UGT1A6: variants seen among roughly 807,000 people sequenced by gnomAD.
The protein encoded by UGT1A6 is UDP glucuronosyltransferase family 1 member A6.
Under a neutral mutation model 44.4 loss-of-function variants are expected in UGT1A6, and 32 were observed. The ratio of observed to expected loss-of-function variants is 0.72; its 90% CI spans 0.54 to 0.97. The LOEUF (loss-of-function observed/expected upper bound fraction) is 0.97. Among genes scored for constraint, UGT1A6 ranks in the 50% least tolerant of loss-of-function variants. UGT1A6 has a pLI of 0.00. For synonymous variants in UGT1A6, 238 were observed against 248.5 expected (o/e 0.96, Z 0.40); for missense variants, 685 against 661.9 (o/e 1.03, Z -0.38).
At chr2:233,726,556 C>T (rs1390760024) in intron 1 of UGT1A6, among the ~76,000 whole-genome samples, 1 of 152,180 alleles carries the variant, frequency 6.6e-6, no homozygotes, top group Non-Finnish European at 1.5e-5. Flanking sequence ...CTTCAAGTCT[C>T]CCACTCTTAC....
chr2:233,755,332 C>G, intron 1 of UGT1A6: 1 of 459,718 alleles, frequency 2.2e-6, no homozygotes, highest in Non-Finnish European at 3.7e-6. Flanking sequence ...CCAGCACCCG[C>G]GCACAGGTCA....
intron 1 of UGT1A6, chr2:233,713,514 A>T (rs763499114): frequency 2.8e-5 from 45 of 1,613,790 alleles, no homozygotes; most frequent in Admixed American, 5.0e-5. Flanking sequence ...TTTCTTGAGG[A>T]ACATTCCATG....
chr2:233,751,108 A>G, intron 1 of UGT1A6, among the ~76,000 whole-genome samples: 1 of 151,960 alleles, frequency 6.6e-6, no homozygotes. Context: ...TTGCCCTGCA[A>G]GCCACAGTGT....
At position 233,760,587 on chromosome 2, in the gene UGT1A6, T is replaced by C. The variant is rs374655757; in HGVS notation, c.862-6447T>C. ...TTGTTAGTCTCGGGCATAATGTTTT[T>C]GAGAATGATTCTTTCCTGCAGCGTG... On this transcript the variant is annotated intron_variant, in intron 1 of 4. Coordinates refer to ENST00000305139, the MANE Select transcript of UGT1A6 (RefSeq NM_001072.4). 5 of 1,614,120 alleles carry C rather than the reference T, an allele frequency of 3.1e-6. No homozygotes were observed. Among genetic ancestry groups the C allele is most frequent in the Non-Finnish European group, 4.2e-6 (5 of 1,180,056 alleles).
chr2:233,712,754 C>G (rs910147754), intron 1 of UGT1A6, among the ~76,000 whole-genome samples: 49 of 151,866 alleles, frequency 3.2e-4, no homozygotes, highest in Admixed American at 2.4e-3. Context: ...TTCCCCAGAG[C>G]GAGCGCAAGG....
At chr2:233,718,543 A>G (rs2076662148) in intron 1 of UGT1A6, among the ~76,000 whole-genome samples, 1 of 152,222 alleles carries the variant, frequency 6.6e-6, no homozygotes. Flanking sequence ...TTGGGAATTG[A>G]ATGAGAAAGA....
intron 4 of UGT1A6, 90 bp downstream of exon 4, chr2:233,768,529 G>A (rs1019700183): frequency 2.7e-6 from 4 of 1,508,186 alleles, no homozygotes; most frequent in Non-Finnish European, 3.5e-6. Flanking sequence ...GCATTTAATA[G>A]CGTTGTTTCA....
rs776721160 is a variant in UGT1A6 at position 233,692,987 on chromosome 2, A to G, written c.-18A>G. The G allele has an allele frequency of 2.5e-6, 4 of 1,613,680 alleles. No individual in the cohort carries two copies. The Admixed American group carries it at 6.7e-5, about 27-fold the overall frequency. ...GTGAAAACTCTTTATTACCGTTGTT[A>G]CTTTAACTCTTTCCAGGATGGCCTG... On this transcript the variant is annotated 5_prime_UTR_variant, in exon 1 of 5. Coordinates refer to ENST00000305139, the MANE Select transcript of UGT1A6 (RefSeq NM_001072.4).
chr2:233,756,911 G>T (rs1386201221), intron 1 of UGT1A6, among the ~76,000 whole-genome samples: 2 of 152,132 alleles, frequency 1.3e-5, no homozygotes, highest in Non-Finnish European at 2.9e-5. Flanking sequence ...ACAAACTTCT[G>T]AGTTTATATA....
intron 1 of UGT1A6, chr2:233,755,670 G>A (rs1695987366): frequency 6.3e-6 from 1 of 158,018 alleles, no homozygotes. Flanking sequence ...AGAGGGTGGT[G>A]GGAGTGAGTT....
intron 1 of UGT1A6, 57 bp from the exon 2 acceptor site, chr2:233,766,977 T>C: frequency 1.2e-6 from 2 of 1,612,554 alleles, no homozygotes; most frequent in Non-Finnish European, 1.7e-6. Context: ...ACTTACTGTA[T>C]GTAGTCATCA....
At chr2:233,717,293 A>G (rs2076562605) in intron 1 of UGT1A6, among the ~76,000 whole-genome samples, 1 of 152,182 alleles carries the variant, frequency 6.6e-6, no homozygotes, top group Admixed American at 6.5e-5. Context: ...TTGCACCCAC[A>G]GCTGAGAATC....
At chr2:233,747,652 A>G in intron 1 of UGT1A6, 1 of 1,589,470 alleles carries the variant, frequency 6.3e-7, no homozygotes, top group East Asian at 2.2e-5. Flanking sequence ...ACTTCCTTCG[A>G]TGTGGTTTTA....
At chr2:233,728,661 G>A (rs577951721) in intron 1 of UGT1A6, among the ~76,000 whole-genome samples, 3 of 152,294 alleles carry the variant, frequency 2.0e-5, no homozygotes, top group South Asian at 2.1e-4. Flanking sequence ...GATGCGCTGC[G>A]TTACTCATAC....
chr2:233,720,069 G>C (rs12463641), intron 1 of UGT1A6, among the ~76,000 whole-genome samples: 12,192 of 152,216 alleles, frequency 0.08, 620 homozygotes, highest in East Asian at 0.2. Flanking sequence ...CAGTAAATTA[G>C]AATTGTGGAC....
At chr2:233,761,014 A>G (rs756396505) in intron 1 of UGT1A6, 2 of 1,614,180 alleles carry the variant, frequency 1.2e-6, no homozygotes, top group South Asian at 1.1e-5. Flanking sequence ...GAGAGAGGTG[A>G]CTGTCCAGGA....
At chr2:233,723,536 T>TTTTTA (rs1553611580) in intron 1 of UGT1A6, among the ~76,000 whole-genome samples, 1 of 121,444 alleles carries the variant, frequency 8.2e-6, no homozygotes, top group African/African-American at 3.3e-5. Flanking sequence ...TTTTTTTTTT[T>TTTTTA]AATTTATTTT....
At chr2:233,702,755 A>G (rs1175807851) in intron 1 of UGT1A6, among the ~76,000 whole-genome samples, 2 of 152,122 alleles carry the variant, frequency 1.3e-5, no homozygotes, top group Non-Finnish European at 2.9e-5. Flanking sequence ...TATTCTAGTG[A>G]TATGTGTTAA....
At chr2:233,701,658 T>C (rs1262453541) in intron 1 of UGT1A6, among the ~76,000 whole-genome samples, 1 of 152,222 alleles carries the variant, frequency 6.6e-6, no homozygotes, top group East Asian at 1.9e-4. Flanking sequence ...CAGACCACAG[T>C]GCAATCAAAC....
Sources: gnomAD v4.1 joint callset for allele counts (sites outside exome capture counted in the v4.1 genomes callset) on GRCh38, gnomAD v4.1.1 for gene constraint, MANE v1.5 for transcripts, NCBI Gene and HGNC (gene_info 2026-07-23, HGNC 2026-07-21) for gene names.